JAK1: variants seen among roughly 807,000 people sequenced by gnomAD.
JAK1 encodes the protein tyrosine-protein kinase JAK1.
JAK1 carries 16 observed loss-of-function variants against 136.6 expected under a neutral mutation model. The observed-to-expected ratio is 0.12, with a 90% CI of 0.08 to 0.18. The LOEUF is 0.18. Among genes scored for constraint, JAK1 ranks in the 10% least tolerant of loss-of-function variants. The pLI is 1.00. For synonymous variants in JAK1, 492 were observed against 519.5 expected, an observed-to-expected ratio of 0.95 and a Z score of 0.72; for missense variants, 859 against 1,450.1, an observed-to-expected ratio of 0.59 and a Z score of 6.62.
chr1:64,903,224 A>C (rs1645139468), intron 1 of JAK1, among the ~76,000 whole-genome samples: 1 of 152,114 alleles, frequency 6.6e-6, no homozygotes, highest in South Asian at 2.1e-4. Flanking sequence ...ACGGGGTTTC[A>C]CCATGTTGGC....
chr1:64,844,367 G>A lies in JAK1; in HGVS notation c.2252-152C>T. 1.0e-6 allele frequency: 1 copy of A among 1,002,354 alleles called. No homozygotes were observed. The highest frequency in any genetic ancestry group is 2.1e-5 in the Admixed American group (1 of 46,730). 62.1% of individuals were successfully genotyped at this position (1,002,354 alleles called of 1,614,324 possible). A position where few individuals can be genotyped will look rare whatever the true frequency, so the allele number is the denominator to read the frequency against. ...CATGGCCACATAGGCCCTGTGCGGGGGGCCTGCAGGCGTGCAGCCCTCCAA... is the reference window on the plus strand; with the variant it reads ...CATGGCCACATAGGCCCTGTGCGGGAGGCCTGCAGGCGTGCAGCCCTCCAA... On this transcript the variant is annotated intron_variant, in intron 16 of 24. Coordinates refer to ENST00000342505, the MANE Select transcript of JAK1 (RefSeq NM_002227.4). This position sits in a 1 kb window ranked among gnomAD's most constrained non-coding sequence, Gnocchi z 5.7.
At chr1:64,850,948 A>G (rs755813656) in intron 11 of JAK1, 38 bp from the exon 12 acceptor site, 1 of 1,419,268 alleles carries the variant, frequency 7.0e-7, no homozygotes, top group Non-Finnish European at 1.0e-6. Flanking sequence ...CACAGCACCC[A>G]AGATCCGAGC....
intron 1 of JAK1, among the ~76,000 whole-genome samples, chr1:64,918,092 G>A (rs1057042081): frequency 3.9e-5 from 6 of 152,168 alleles, no homozygotes; most frequent in African/African-American, 1.4e-4. Context: ...TACACTGGTA[G>A]AAAGGGCATG....
rs310243 is a variant in JAK1, at chr1:64,839,511, G to A, written c.2842+92C>T. On this transcript the variant is annotated intron_variant, in intron 20 of 24. Transcript: ENST00000342505. ...ACCAGCTAGCATGTCAGACGCCCAG[G>A]TAAGGCCACGGAGTGCCTGTTTTGC... 19,976 of 1,094,124 alleles carry A rather than the reference G, an allele frequency of 0.018. 2,628 individuals are homozygous for A. The African/African-American group carries it at 0.28, about 15-fold the overall frequency. 67.8% of individuals were successfully genotyped at this position (1,094,124 alleles called of 1,614,324 possible).
At chr1:65,042,609 T>A (rs779432957) in intron 2 of JAK1, among the ~76,000 whole-genome samples, 2 of 152,222 alleles carry the variant, frequency 1.3e-5, no homozygotes, top group Non-Finnish European at 2.9e-5. Flanking sequence ...AACAACCTTA[T>A]GGAATAGCTG....
intron 2 of JAK1, among the ~76,000 whole-genome samples, chr1:65,035,148 C>T (rs1647061952): frequency 6.6e-6 from 1 of 152,072 alleles, no homozygotes; most frequent in African/African-American, 2.4e-5. Flanking sequence ...AGGATTTTCT[C>T]GAGGTAAAGA....
intron 9 of JAK1, among the ~76,000 whole-genome samples, chr1:64,858,076 G>A (rs754308359): frequency 1.3e-5 from 2 of 152,222 alleles, no homozygotes; most frequent in Non-Finnish European, 2.9e-5. Context: ...CAAGACAGAA[G>A]AGCCTCTCTG....
chr1:64,839,141 G>C (rs150355017), intron 20 of JAK1, among the ~76,000 whole-genome samples: 10 of 90,430 alleles, frequency 1.1e-4, no homozygotes, highest in African/African-American at 2.3e-4. Context: ...GCGAGACTCC[G>C]TCTCAAAAAA....
chr1:64,981,044 T>A (rs180899705), intron 2 of JAK1, among the ~76,000 whole-genome samples: 1 of 152,338 alleles, frequency 6.6e-6, no homozygotes, highest in East Asian at 1.9e-4. Flanking sequence ...ATTTCTCAAC[T>A]GATTTTTTCC....
In JAK1 at chr1:64,835,582, T is replaced by C. The variant is rs1473380691; in HGVS notation, c.3259-76A>G. ...AAATGCCAAACAGATTAAGGTGAAA[T>C]TTCTACAATCAACTGGAAATTTAAG... On this transcript the variant is annotated intron_variant, in intron 23 of 24. Coordinates refer to ENST00000342505, the MANE Select transcript of JAK1 (RefSeq NM_002227.4). The C allele has an allele frequency of 6.9e-6, 6 of 873,084 alleles. No homozygotes were observed. In the South Asian group the frequency reaches 7.6e-5, roughly 11 times the overall value. The allele number at this position is 873,084 out of a possible 1,614,324, so 54.1% of individuals were successfully genotyped here. A position where few individuals can be genotyped will look rare whatever the true frequency, so the allele number is the denominator to read the frequency against.
chr1:64,879,142 G>A lies in JAK1; in HGVS notation c.212C>T (p.Ser71Phe), dbSNP rs367997081. The A allele has an allele frequency of 2.5e-6, 4 of 1,613,940 alleles. No homozygotes were observed. Among genetic ancestry groups the A allele is most frequent in the Non-Finnish European group, 3.4e-6 (4 of 1,179,904 alleles). Residue 71 changes from serine to phenylalanine, a missense_variant, in exon 4 of 25, where the codon TCT becomes TTT. Ser to Phe is a radical substitution (Grantham distance 155, BLOSUM62 -2). This residue lies in a region of JAK1 where 353 missense variants were observed against 494.0 expected (regional missense o/e 0.71). Transcript: ENST00000342505. Reference sequence around the variant, plus strand: ...GGCAAAGAGGTTGTGACAAAGAGGAGAGATACCTGAGGAAAAGTAAAAAAA... The same window carrying A: ...GGCAAAGAGGTTGTGACAAAGAGGAAAGATACCTGAGGAAAAGTAAAAAAA... ...CIRAAQACRI[S>F]PLCHNLFALY...
Position 64,841,599 on chromosome 1 carries a change from T to C in JAK1, c.2406A>G (p.Lys802=). The part of the protein sequence containing the change: ...IPLKDKTLIE[K]ERFYESRCRP... ...TGCACCGGCTTTCATAGAATCTCTCTTTCTGTAAACAAGAGGGGCACATGG... is the reference window on the plus strand; with the variant it reads ...TGCACCGGCTTTCATAGAATCTCTCCTTCTGTAAACAAGAGGGGCACATGG... Residue 802 remains lysine, a splice_region_variant and synonymous_variant, in exon 18 of 25, where the codon AAA becomes AAG. Transcript: ENST00000342505. The C allele has an allele frequency of 6.2e-7, 1 of 1,613,826 alleles. No individual in the cohort carries two copies. The highest frequency in any genetic ancestry group is 8.5e-7 in the Non-Finnish European group (1 of 1,180,026).
Position 64,838,486 on chromosome 1 carries a change from T to C in JAK1, c.2946A>G (p.Lys982=), listed in dbSNP as rs1654634268. 1 of 1,614,108 alleles carries C rather than the reference T, an allele frequency of 6.2e-7. No individual in the cohort carries two copies. The highest frequency in any genetic ancestry group is 1.3e-5 in the African/African-American group (1 of 75,060). The change falls in exon 21 of 25, where the codon AAA becomes AAG. Residue 982 remains lysine (K), a synonymous_variant. Transcript: ENST00000342505. ...TTACCTTACAAATCTGAACGGCATA[T>C]TTTAGCTGCTGTTTGAGGTTTATTT... ...KNKINLKQQL[K]YAVQICKGMD...
intron 7 of JAK1, among the ~76,000 whole-genome samples, chr1:64,865,389 G>A (rs1343570940): frequency 6.6e-6 from 1 of 152,122 alleles, no homozygotes; most frequent in Admixed American, 6.5e-5. Flanking sequence ...ATCACCAATC[G>A]TCTTGACTTT....
chr1:64,994,678 C>A (rs979371786), intron 2 of JAK1, among the ~76,000 whole-genome samples: 1 of 152,120 alleles, frequency 6.6e-6, no homozygotes, highest in Admixed American at 6.5e-5. Flanking sequence ...TCAACACATG[C>A]TTTTTTGGGG....
chr1:65,058,341 G>C, intron 1 of JAK1: 1 of 529,532 alleles, frequency 1.9e-6, no homozygotes, highest in Non-Finnish European at 3.9e-6. Flanking sequence ...AGGGTAAGAG[G>C]GTTTCTGGGT....
At chr1:64,855,846 G>A in intron 10 of JAK1, 148 bp from the exon 11 acceptor site, 1 of 640,094 alleles carries the variant, frequency 1.6e-6, no homozygotes, top group African/African-American at 1.9e-5. Flanking sequence ...CAAAAATAAA[G>A]TTTATTATCA....
chr1:65,051,066 A>G (rs1647270650), intron 1 of JAK1, among the ~76,000 whole-genome samples: 1 of 152,184 alleles, frequency 6.6e-6, no homozygotes, highest in South Asian at 2.1e-4. Flanking sequence ...ATTTGATCCA[A>G]TTACTTAAAA....
chr1:64,877,930 G>A (rs1480437991), intron 4 of JAK1, among the ~76,000 whole-genome samples: 1 of 152,186 alleles, frequency 6.6e-6, no homozygotes, highest in African/African-American at 2.4e-5. Flanking sequence ...ATAGAAAGAA[G>A]AGGAAAAAGT....
Sources: gnomAD v4.1 joint callset for allele counts (sites outside exome capture counted in the v4.1 genomes callset) on GRCh38, gnomAD v4.1.1 for gene constraint, gnomAD v4.1.1 regional missense constraint, Gnocchi (gnomAD v3.1) non-coding constraint, MANE v1.5 for transcripts, NCBI Gene and HGNC (gene_info 2026-07-23, HGNC 2026-07-21) for gene names.